Variants in ARMC3 observed in about 807,000 individuals in gnomAD.
The protein encoded by ARMC3 is armadillo repeat-containing protein 3.
In ARMC3, 74 loss-of-function variants were observed where a neutral mutation model predicts 90.3. That is an observed-to-expected ratio of 0.82 (90% confidence interval 0.68 to 0.99). The LOEUF (loss-of-function observed/expected upper bound fraction) is 0.99. ARMC3 is among the 50% of genes least tolerant of loss of function. The pLI, the probability that ARMC3 is intolerant of heterozygous loss-of-function variation, is 0.00. For missense variants in ARMC3, 958 were observed against 1,042.8 expected (o/e 0.92, Z 1.12); for synonymous variants, 334 against 361.8 (o/e 0.92, Z 0.87).
intron 8 of ARMC3, among the ~76,000 whole-genome samples, chr10:22,975,963 T>C (rs1835902684): frequency 6.6e-6 from 1 of 152,232 alleles, no homozygotes; most frequent in African/African-American, 2.4e-5. Context: ...GGCCTAGTTT[T>C]AATGAATAGA....
Position 22,959,424 on chromosome 10 carries a change from T to A in ARMC3, c.387T>A (p.Ala129=). The A allele has an allele frequency of 6.2e-7, 1 of 1,606,838 alleles. No homozygotes were observed. Residue 129 remains alanine (A), a synonymous_variant, in exon 6 of 19, where the codon GCT becomes GCA. Transcript: ENST00000298032. ...PEEEVVIHEF[A]SLCLANMSAE... Reference sequence around the variant, plus strand: ...AAGAAGTAGTTATCCATGAGTTTGCTAGTCTTTGTCTAGCAAACATGTCTG... The same window carrying A: ...AAGAAGTAGTTATCCATGAGTTTGCAAGTCTTTGTCTAGCAAACATGTCTG...
intron 12 of ARMC3, among the ~76,000 whole-genome samples, chr10:23,002,492 A>G (rs1257529863): frequency 6.6e-6 from 1 of 152,152 alleles, no homozygotes; most frequent in Non-Finnish European, 1.5e-5. Context: ...CCAAAAGCAG[A>G]TGAGTTTGTT....
chr10:22,982,028 A>G (rs1314049901), intron 10 of ARMC3, among the ~76,000 whole-genome samples: 4 of 152,256 alleles, frequency 2.6e-5, no homozygotes, highest in Non-Finnish European at 4.4e-5. Flanking sequence ...TGAGCATTTG[A>G]TAAATCTGGA....
chr10:22,939,141 A>G (rs1404278800), intron 2 of ARMC3, among the ~76,000 whole-genome samples: 1 of 152,202 alleles, frequency 6.6e-6, no homozygotes, highest in Non-Finnish European at 1.5e-5. Context: ...GGTAATGTGT[A>G]CAGAGGATGA....
At chr10:22,929,802 C>A (rs1199220453) in intron 1 of ARMC3, among the ~76,000 whole-genome samples, 1 of 152,222 alleles carries the variant, frequency 6.6e-6, no homozygotes, top group Non-Finnish European at 1.5e-5. Flanking sequence ...CCACCCGCCT[C>A]AGCCTCCCAA....
intron 8 of ARMC3, among the ~76,000 whole-genome samples, chr10:22,979,749 G>C (rs1836103207): frequency 6.6e-6 from 1 of 152,114 alleles, no homozygotes. Flanking sequence ...ACATACTTTA[G>C]AGTTAAGTAT....
intron 3 of ARMC3, among the ~76,000 whole-genome samples, chr10:22,954,103 T>C (rs1834833488): frequency 6.6e-6 from 1 of 152,224 alleles, no homozygotes; most frequent in Admixed American, 6.5e-5. Flanking sequence ...TAATTTGCAT[T>C]TCCCTAATGA....
intron 13 of ARMC3, among the ~76,000 whole-genome samples, chr10:23,004,126 C>CT (rs1413532287): frequency 6.6e-6 from 1 of 150,704 alleles, no homozygotes; most frequent in Non-Finnish European, 1.5e-5. Flanking sequence ...TCCAACCTGT[C>CT]TTTTAAAAAA....
At chr10:22,949,224 A>T (rs1165416369) in intron 3 of ARMC3, among the ~76,000 whole-genome samples, 1 of 152,230 alleles carries the variant, frequency 6.6e-6, no homozygotes, top group African/African-American at 2.4e-5. Context: ...ATTGCCCAAG[A>T]AGGTAAAATT....
intron 16 of ARMC3, among the ~76,000 whole-genome samples, chr10:23,010,953 C>CCTACCCTT (rs1366964802): frequency 5.4e-4 from 28 of 52,282 alleles, no homozygotes; most frequent in Non-Finnish European, 7.3e-4. Flanking sequence ...CCCTTCCCTT[C>CCTACCCTT]CCTGTTCTTC....
chr10:22,955,016 G>C (rs1834872265), intron 3 of ARMC3, among the ~76,000 whole-genome samples: 1 of 152,102 alleles, frequency 6.6e-6, no homozygotes, highest in Non-Finnish European at 1.5e-5. Flanking sequence ...TAGGAGCTCT[G>C]ATGTCCCAGG....
intron 2 of ARMC3, among the ~76,000 whole-genome samples, chr10:22,940,489 A>AT (rs1436795892): frequency 2.0e-5 from 3 of 152,044 alleles, no homozygotes; most frequent in Non-Finnish European, 4.4e-5. Flanking sequence ...AATAAATTGT[A>AT]TTTTTTTCTT....
intron 17 of ARMC3, 73 bp from the exon 18 acceptor site, chr10:23,032,788 A>G (rs2131572028): frequency 1.4e-6 from 2 of 1,412,250 alleles, no homozygotes; most frequent in East Asian, 2.4e-5. Context: ...GTATATTTAC[A>G]TGTAATTACA....
intron 7 of ARMC3, among the ~76,000 whole-genome samples, chr10:22,965,361 A>G (rs1835400220): frequency 6.6e-6 from 1 of 152,152 alleles, no homozygotes; most frequent in Admixed American, 6.5e-5. Flanking sequence ...TGTTTTCAGC[A>G]TTTTTAAATT....
chr10:23,013,206 A>G (rs1207949701), intron 16 of ARMC3, among the ~76,000 whole-genome samples: 2 of 151,782 alleles, frequency 1.3e-5, no homozygotes, highest in African/African-American at 4.8e-5. Flanking sequence ...GCCACTACAC[A>G]CCTTTTTAAA....
At chr10:23,019,252 C>T (rs535439897) in intron 16 of ARMC3, among the ~76,000 whole-genome samples, 256 of 152,326 alleles carry the variant, frequency 1.7e-3, no homozygotes, top group African/African-American at 6.0e-3. Context: ...GTCACACCAG[C>T]ATCCCCTAGG....
chr10:22,952,372 A>G (rs1564347928), intron 3 of ARMC3, among the ~76,000 whole-genome samples: 1 of 152,316 alleles, frequency 6.6e-6, no homozygotes, highest in East Asian at 1.9e-4. Flanking sequence ...GAGATCCTAC[A>G]GATATTAACA....
At chr10:22,957,644 G>T (rs1835003972) in intron 4 of ARMC3, among the ~76,000 whole-genome samples, 2 of 152,160 alleles carry the variant, frequency 1.3e-5, no homozygotes, top group African/African-American at 4.8e-5. Flanking sequence ...CTATCTAACA[G>T]CCCTGTGAGG....
At chr10:23,002,700 G>A (rs545185208) in intron 12 of ARMC3, among the ~76,000 whole-genome samples, 5 of 150,774 alleles carry the variant, frequency 3.3e-5, no homozygotes, top group Admixed American at 6.6e-5. Context: ...CCCTGGGTTC[G>A]CAATTCTCCT....
Sources: gnomAD v4.1 joint callset for allele counts (sites outside exome capture counted in the v4.1 genomes callset) on GRCh38, gnomAD v4.1.1 for gene constraint, MANE v1.5 for transcripts, NCBI Gene and HGNC (gene_info 2026-07-23, HGNC 2026-07-21) for gene names.